The following GALC variants were observed in gnomAD, a reference collection of about 807,000 sequenced individuals.
GALC encodes galactosylceramidase.
Under a neutral mutation model 91.8 loss-of-function variants are expected in GALC, and 77 were observed. The ratio of observed to expected loss-of-function variants is 0.84; its 90% CI spans 0.70 to 1.01. GALC has a LOEUF of 1.01. Ranked by LOEUF, GALC falls within the 50% of genes least tolerant of loss-of-function variation. The probability of loss-of-function intolerance (pLI) is 0.00; values close to 1 mark genes in which losing one functional copy is unlikely to be tolerated. For missense variants in GALC, 882 were observed against 855.9 expected (o/e 1.03, Z -0.38); for synonymous variants, 357 against 306.7 (o/e 1.16, Z -1.71).
At chr14:87,974,691 C>A (rs1250542273) in intron 7 of GALC, among the ~76,000 whole-genome samples, 2 of 150,816 alleles carry the variant, frequency 1.3e-5, no homozygotes, top group Non-Finnish European at 3.0e-5. Flanking sequence ...TTGAGATAGT[C>A]AAGAAAAAAG....
intron 10 of GALC, among the ~76,000 whole-genome samples, chr14:87,955,840 T>C (rs569540934): frequency 2.2e-4 from 34 of 152,054 alleles, no homozygotes; most frequent in African/African-American, 8.2e-4. Context: ...ACTGTGATTG[T>C]AGAAGAAGCT....
chr14:87,951,913 G>C (rs1417384610), intron 10 of GALC, among the ~76,000 whole-genome samples: 1 of 151,746 alleles, frequency 6.6e-6, no homozygotes, highest in Admixed American at 6.6e-5. Flanking sequence ...TCTGTCTTGA[G>C]ATACTAGAAA....
At chr14:87,954,679 G>C in intron 10 of GALC, 1 of 1,563,112 alleles carries the variant, frequency 6.4e-7, no homozygotes, top group Non-Finnish European at 8.8e-7. Flanking sequence ...TTAAAGCCCA[G>C]ATTTCAGAGC....
chr14:87,993,215 C>T, upstream of GALC: 3 of 1,550,412 alleles, frequency 1.9e-6, no homozygotes, highest in Non-Finnish European at 2.6e-6. Context: ...CCGTCGCCGC[C>T]ACGATAGATA....
At chr14:87,979,525 C>A (rs1418830425) in intron 6 of GALC, among the ~76,000 whole-genome samples, 2 of 152,106 alleles carry the variant, frequency 1.3e-5, no homozygotes, top group African/African-American at 4.8e-5. Context: ...GTCTTTCAAA[C>A]CAGGTTAGTT....
intron 10 of GALC, 151 bp from the exon 11 acceptor site, chr14:87,950,899 A>G (rs1448677829): frequency 1.8e-5 from 11 of 598,190 alleles, no homozygotes; most frequent in Non-Finnish European, 3.3e-5. Flanking sequence ...AGACTTTTTT[A>G]CAATATAATA....
chr14:87,957,300 T>C (rs1332110489), intron 10 of GALC, among the ~76,000 whole-genome samples: 1 of 152,156 alleles, frequency 6.6e-6, no homozygotes, highest in Non-Finnish European at 1.5e-5. Flanking sequence ...GCATTTGCTT[T>C]TGGGGTCTTA....
intron 15 of GALC, 137 bp downstream of exon 15, chr14:87,941,258 G>C (rs1884836946): frequency 3.0e-6 from 2 of 664,318 alleles, no homozygotes; most frequent in Admixed American, 5.2e-5. Context: ...TTTGGTATTT[G>C]CTTACATCCC....
chr14:87,952,707 G>A, intron 10 of GALC: 1 of 1,515,688 alleles, frequency 6.6e-7, no homozygotes, highest in Non-Finnish European at 9.1e-7. Context: ...CCAGATCTTA[G>A]TGGTCATTTC....
chr14:87,937,709 A>G (rs1367325453), intron 16 of GALC, among the ~76,000 whole-genome samples: 6 of 151,756 alleles, frequency 4.0e-5, no homozygotes, highest in Non-Finnish European at 1.5e-5. Flanking sequence ...CTCACATCCT[A>G]TTGATATTTT....
intron 4 of GALC, among the ~76,000 whole-genome samples, chr14:87,986,213 T>C (rs1157386435): frequency 6.6e-6 from 1 of 152,218 alleles, no homozygotes; most frequent in African/African-American, 2.4e-5. Flanking sequence ...GTCTATGACC[T>C]TAGGTCAGTG....
chr14:87,955,371 A>G (rs1254341649), intron 10 of GALC, among the ~76,000 whole-genome samples: 8 of 152,140 alleles, frequency 5.3e-5, no homozygotes, highest in Admixed American at 4.6e-4. Context: ...AGGTTTAAAA[A>G]GATTATTTTT....
At chr14:87,980,005 T>C (rs970169516) in intron 6 of GALC, among the ~76,000 whole-genome samples, 4 of 152,008 alleles carry the variant, frequency 2.6e-5, no homozygotes, top group Non-Finnish European at 5.9e-5. Context: ...CAACCTGGAA[T>C]TGCCCTTGAG....
intron 13 of GALC, 118 bp downstream of exon 13, chr14:87,947,610 G>C (rs1441120094): frequency 1.1e-6 from 1 of 930,648 alleles, no homozygotes; most frequent in Non-Finnish European, 1.8e-6. Flanking sequence ...TGAGATGTAG[G>C]AGGTAAATGA....
rs190278372 is a variant in GALC, at chr14:87,952,096, A to G, written c.1162-1348T>C. Among the ~76,000 whole-genome samples, 4 of 151,992 alleles carry G rather than the reference A, an allele frequency of 2.6e-5. No individual in the cohort carries two copies. In the East Asian group the frequency reaches 5.8e-4, roughly 22 times the overall value. On this transcript the variant is annotated intron_variant, in intron 10 of 16. Transcript: ENST00000261304. The stretch of plus-strand genomic sequence containing the variant: ...TTAAAAAGTAAAAATAAAAATAAAG[A>G]AAAAACCAAAATAGGCAAAGAAAAT...
rs1057517082 is a variant in GALC, at chr14:87,947,790, C to CT, written c.1426dup (p.Ser476LysfsTer16). 2 of 1,612,960 alleles carry CT rather than the reference C, an allele frequency of 1.2e-6. No individual in the cohort carries two copies. Among genetic ancestry groups the CT allele is most frequent in the Non-Finnish European group, 8.5e-7 (1 of 1,179,284 alleles). On this transcript the variant is annotated frameshift_variant, in exon 13 of 17. Coordinates refer to ENST00000261304, the MANE Select transcript of GALC (RefSeq NM_000153.4). LOFTEE classifies it high-confidence loss of function. ...CTGGGATTTTGGAGGAAGCGGGTAG[C>CT]TGCCTTTGCGACCAGTGGTGAGAGT...
intron 8 of GALC, 115 bp downstream of exon 8, chr14:87,968,220 A>G: frequency 1.1e-6 from 1 of 869,878 alleles, no homozygotes; most frequent in South Asian, 1.7e-5. Flanking sequence ...TAACAAGGCA[A>G]AATGTTTACA....
intron 10 of GALC, among the ~76,000 whole-genome samples, chr14:87,951,734 T>A (rs1453989009): frequency 1.3e-5 from 2 of 151,862 alleles, no homozygotes; most frequent in South Asian, 2.1e-4. Context: ...TTCTAAATAA[T>A]CAATAGATCA....
In GALC at chr14:87,934,752, G is replaced by GC; in HGVS notation, c.2037_2038insG (p.Leu680AlafsTer14). On this transcript the variant is annotated frameshift_variant, in exon 17 of 17. Transcript: ENST00000261304. LOFTEE classifies it high-confidence loss of function. ...AAGTATTAGCGTGTGGCTTCCACAA[G>GC]AAAGTTGTCAAACTGTGCAAATTCA... 5 of 1,613,242 alleles carry GC rather than the reference G, an allele frequency of 3.1e-6. No homozygotes were observed. The highest frequency in any genetic ancestry group is 3.4e-6 in the Non-Finnish European group (4 of 1,179,440).
Sources: gnomAD v4.1 joint callset for allele counts (sites outside exome capture counted in the v4.1 genomes callset) on GRCh38, gnomAD v4.1.1 for gene constraint, MANE v1.5 for transcripts, NCBI Gene and HGNC (gene_info 2026-07-23, HGNC 2026-07-21) for gene names.